Variants in AEBP2 observed in about 807,000 individuals in gnomAD.
AEBP2 encodes the protein zinc finger protein AEBP2.
In AEBP2, 10 loss-of-function variants were observed where a neutral mutation model predicts 50.8. The observed-to-expected ratio is 0.20, with a 90% confidence interval of 0.12 to 0.33. AEBP2 has a LOEUF of 0.33. Ranked by LOEUF, AEBP2 falls within the 10% of genes least tolerant of loss-of-function variation. The pLI is 1.00. For synonymous variants in AEBP2, 296 were observed against 261.3 expected, an observed-to-expected ratio of 1.13 and a Z score of -1.28; for missense variants, 570 against 688.0, an observed-to-expected ratio of 0.83 and a Z score of 1.92.
At chr12:19,482,205 A>G (rs968517864) in intron 3 of AEBP2, among the ~76,000 whole-genome samples, 9 of 152,236 alleles carry the variant, frequency 5.9e-5, no homozygotes, top group Admixed American at 2.0e-4. Flanking sequence ...CAGCAGGGCT[A>G]CTAGGCTCTG....
At chr12:19,415,315 TCAAAAA>T (rs2095741626) in intron 1 of AEBP2, among the ~76,000 whole-genome samples, 1 of 22,872 alleles carries the variant, frequency 4.4e-5, no homozygotes, top group Non-Finnish European at 6.8e-5. Flanking sequence ...AGACCCTGTC[TCAAAAA>T]AAAAAAAAAA....
rs754195220 is a variant in AEBP2 at position 19,501,797 on chromosome 12, G to GT, written c.1299+1596dup. ...CGTCGTCTCCTATAAAAATGAGTTT[G>GT]TTTTTTTTTTTTTTTTTTTTGCATT... On this transcript the variant is annotated intron_variant, in intron 5 of 7. Transcript: ENST00000266508. Among the ~76,000 whole-genome samples the GT allele has an allele frequency of 9.7e-3, 691 of 70,906 alleles. 26 individuals are homozygous for GT. Among genetic ancestry groups the GT allele is most frequent in the African/African-American group, 0.03 (611 of 20,312 alleles). 46.5% of individuals were successfully genotyped at this position (70,906 alleles called of 152,430 possible).
intron 1 of AEBP2, among the ~76,000 whole-genome samples, chr12:19,421,161 T>C (rs1232154414): frequency 6.6e-6 from 1 of 151,488 alleles, no homozygotes; most frequent in Non-Finnish European, 1.5e-5. Context: ...CCTGGCCACA[T>C]AGTGAAACCC....
At chr12:19,501,360 C>T (rs553320197) in intron 5 of AEBP2, among the ~76,000 whole-genome samples, 17 of 151,452 alleles carry the variant, frequency 1.1e-4, no homozygotes, top group African/African-American at 4.1e-4. Context: ...TACAGCCAGG[C>T]TTCATGGCTC....
chr12:19,418,921 A>AGCCAG (rs1477576827), intron 1 of AEBP2: 4 of 84,598 alleles, frequency 4.7e-5, no homozygotes, highest in Non-Finnish European at 1.3e-4. Flanking sequence ...CTCTGAGCCA[A>AGCCAG]CCTCTCCTAC....
At chr12:19,437,490 C>T (rs146894593), upstream of AEBP2, among the ~76,000 whole-genome samples, 277 of 152,208 alleles carry the variant, frequency 1.8e-3, 3 homozygotes, top group Admixed American at 0.015. Context: ...CCTCCCACTT[C>T]AGCCTCCTGA....
chr12:19,450,016 G>C (rs7964170), intron 1 of AEBP2, among the ~76,000 whole-genome samples: 129,137 of 152,164 alleles, frequency 0.85, 55,101 homozygotes, highest in African/African-American at 0.93. Flanking sequence ...ATAACACACA[G>C]ATGTAATAAA....
chr12:19,518,165 C>A lies in AEBP2; in HGVS notation c.*48C>A. On this transcript the variant is annotated 3_prime_UTR_variant, in exon 8 of 8. Coordinates refer to ENST00000266508, the MANE Select transcript of AEBP2 (RefSeq NM_153207.5). ...GCAAACAAGCGGGGACACCTGCAGTCTTAGTCACTGACAATGGGTTTAGGG... is the reference window on the plus strand; with the variant it reads ...GCAAACAAGCGGGGACACCTGCAGTATTAGTCACTGACAATGGGTTTAGGG... 6.5e-7 allele frequency: 1 copy of A among 1,536,866 alleles called. No individual in the cohort carries two copies. The highest frequency in any genetic ancestry group is 1.3e-5 in the South Asian group (1 of 79,204).
At chr12:19,505,168 C>T (rs948851340) in intron 5 of AEBP2, among the ~76,000 whole-genome samples, 7 of 152,116 alleles carry the variant, frequency 4.6e-5, no homozygotes, top group Non-Finnish European at 4.4e-5. Context: ...CCTTGCTCAC[C>T]GAGGCTGGTT....
intron 1 of AEBP2, among the ~76,000 whole-genome samples, chr12:19,461,671 G>A (rs547063188): frequency 2.0e-5 from 3 of 151,966 alleles, no homozygotes; most frequent in East Asian, 1.9e-4. Context: ...CACCACACCC[G>A]GATAATTTTT....
intron 1 of AEBP2, among the ~76,000 whole-genome samples, chr12:19,458,234 A>G (rs1948308043): frequency 6.6e-6 from 1 of 152,178 alleles, no homozygotes; most frequent in Admixed American, 6.5e-5. Flanking sequence ...TGTTGCCTTC[A>G]TCAGTCGAGA....
At chr12:19,441,188 T>C (rs532735474) in intron 1 of AEBP2, among the ~76,000 whole-genome samples, 57 of 152,324 alleles carry the variant, frequency 3.7e-4, no homozygotes, top group African/African-American at 1.3e-3. Context: ...AGTCATGCAT[T>C]GGAGAGGTCT....
intron 1 of AEBP2, among the ~76,000 whole-genome samples, chr12:19,415,260 A>C (rs12372695): frequency 0.49 from 67,244 of 137,010 alleles, 16,773 homozygotes; most frequent in Non-Finnish European, 0.56. Flanking sequence ...TTGCAGTGAG[A>C]CAAGATTGTG....
chr12:19,430,625 C>T (rs1294388554), intron 1 of AEBP2, among the ~76,000 whole-genome samples: 2 of 152,090 alleles, frequency 1.3e-5, no homozygotes, highest in Admixed American at 1.3e-4. Flanking sequence ...AATGTCCTTC[C>T]ATTTGTTTGT....
intron 5 of AEBP2, among the ~76,000 whole-genome samples, chr12:19,505,805 T>C (rs1221390629): frequency 6.6e-6 from 1 of 152,166 alleles, no homozygotes; most frequent in African/African-American, 2.4e-5. Context: ...AGTCAGAGTT[T>C]CACTGTGTCA....
intron 2 of AEBP2, among the ~76,000 whole-genome samples, chr12:19,471,906 T>G (rs1203071283): frequency 6.6e-6 from 1 of 152,182 alleles, no homozygotes; most frequent in Non-Finnish European, 1.5e-5. Flanking sequence ...CTGAGAACCT[T>G]GGCCATTAGT....
Position 19,522,124 on chromosome 12 carries a change from C to T in AEBP2, c.*4007C>T, listed in dbSNP as rs1297827991. Reference sequence around the variant, plus strand: ...GGGATTTTGGTTAAAACATATTTCTCTATTCTAAAAATTACAGAATATGTA... The same window carrying T: ...GGGATTTTGGTTAAAACATATTTCTTTATTCTAAAAATTACAGAATATGTA... On this transcript the variant is annotated 3_prime_UTR_variant, in exon 8 of 8. Coordinates refer to ENST00000266508, the MANE Select transcript of AEBP2 (RefSeq NM_153207.5). The T allele has an allele frequency of 1.3e-5, 2 of 151,400 alleles. No individual in the cohort carries two copies. The highest frequency in any genetic ancestry group is 6.6e-5 in the Admixed American group (1 of 15,222). The allele number at this position is 151,400 out of a possible 1,614,324, so 9.4% of individuals were successfully genotyped here. A position where few individuals can be genotyped will look rare whatever the true frequency, so the allele number is the denominator to read the frequency against.
intron 2 of AEBP2, among the ~76,000 whole-genome samples, chr12:19,464,464 C>T (rs1156505378): frequency 6.6e-6 from 1 of 152,086 alleles, no homozygotes; most frequent in East Asian, 1.9e-4. Context: ...ATTTCTGAGT[C>T]TTGGAATCCC....
intron 5 of AEBP2, chr12:19,509,064 G>A: frequency 1.7e-6 from 1 of 599,728 alleles, no homozygotes; most frequent in Non-Finnish European, 3.1e-6. Flanking sequence ...GGCAGACATG[G>A]AGGGGTTCGT....
Sources: gnomAD v4.1 joint callset for allele counts (sites outside exome capture counted in the v4.1 genomes callset) on GRCh38, gnomAD v4.1.1 for gene constraint, MANE v1.5 for transcripts, NCBI Gene and HGNC (gene_info 2026-07-23, HGNC 2026-07-21) for gene names.